LSAMP: variants seen among roughly 807,000 people sequenced by gnomAD.
LSAMP encodes the protein limbic system associated membrane protein.
LSAMP carries 7 observed loss-of-function variants against 38.6 expected under a neutral mutation model. The observed-to-expected ratio is 0.18, with a 90% CI of 0.10 to 0.34. The LOEUF is 0.34. Ranked by LOEUF, LSAMP falls within the 10% of genes least tolerant of loss-of-function variation. The pLI is 1.00. For missense variants in LSAMP, 313 were observed against 420.0 expected (o/e 0.75, Z 2.23); for synonymous variants, 154 against 166.8 (o/e 0.92, Z 0.59).
intron 1 of LSAMP, among the ~76,000 whole-genome samples, chr3:116,114,283 C>G (rs1394695126): frequency 6.6e-6 from 1 of 152,154 alleles, no homozygotes; most frequent in African/African-American, 2.4e-5. Flanking sequence ...TATCTGGTGC[C>G]TTCGGTTTTT....
At chr3:116,005,748 C>A (rs1192425881) in intron 3 of LSAMP, among the ~76,000 whole-genome samples, 1 of 152,162 alleles carries the variant, frequency 6.6e-6, no homozygotes, top group South Asian at 2.1e-4. Context: ...TTCAGGCTGG[C>A]CTTGGTATGT....
intron 1 of LSAMP, among the ~76,000 whole-genome samples, chr3:116,159,244 A>G (rs1709826623): frequency 6.6e-6 from 1 of 152,198 alleles, no homozygotes; most frequent in Admixed American, 6.5e-5. Flanking sequence ...AACAAAACAA[A>G]AATTGACAAA....
At chr3:116,057,957 CCACACACACA>C (rs61123270) in intron 2 of LSAMP, among the ~76,000 whole-genome samples, 144 of 117,430 alleles carry the variant, frequency 1.2e-3, no homozygotes, top group East Asian at 2.2e-3. Context: ...ACACACACAC[CCACACACACA>C]CACACACACA....
At chr3:115,878,450 ATTC>A (rs1459719970) in intron 3 of LSAMP, among the ~76,000 whole-genome samples, 5 of 115,890 alleles carry the variant, frequency 4.3e-5, no homozygotes, top group African/African-American at 1.7e-4. Context: ...AGAACATGCT[ATTC>A]TTTTTTTTTT....
chr3:115,888,227 A>G (rs1467641616), intron 3 of LSAMP, among the ~76,000 whole-genome samples: 1 of 151,998 alleles, frequency 6.6e-6, no homozygotes, highest in African/African-American at 2.4e-5. Context: ...AAATACCACC[A>G]CAAGACTAAA....
At chr3:116,229,738 C>T (rs2046381247) in intron 1 of LSAMP, among the ~76,000 whole-genome samples, 1 of 152,072 alleles carries the variant, frequency 6.6e-6, no homozygotes, top group South Asian at 2.1e-4. Context: ...GATATGGTAT[C>T]TTTGGTAGAG....
chr3:116,053,803 G>T (rs1216372641), intron 2 of LSAMP, among the ~76,000 whole-genome samples: 1 of 152,198 alleles, frequency 6.6e-6, no homozygotes. Context: ...GTAATAGTCA[G>T]TGCTGTGTCT....
intron 1 of LSAMP, among the ~76,000 whole-genome samples, chr3:116,198,988 G>A (rs969651842): frequency 4.6e-5 from 7 of 152,086 alleles, no homozygotes; most frequent in Admixed American, 1.3e-4. Flanking sequence ...GGAGGCTATG[G>A]CAGGAGAATC....
In LSAMP at chr3:116,445,034, T is replaced by TG; in HGVS notation, c.-4dup. ...TCCGGCTGAACTCTCCTGACCATGG[T>TG]GGCCACGCCGAGGTGCGGGTCCGCG... On this transcript the variant is annotated 5_prime_UTR_variant, in exon 1 of 7. Transcript: ENST00000490035. 6.2e-7 allele frequency: 1 copy of TG among 1,609,636 alleles called. No individual in the cohort carries two copies. The highest frequency in any genetic ancestry group is 2.2e-5 in the East Asian group (1 of 44,772).
intron 3 of LSAMP, among the ~76,000 whole-genome samples, chr3:115,887,281 T>G (rs1225204724): frequency 6.6e-6 from 1 of 151,954 alleles, no homozygotes; most frequent in Non-Finnish European, 1.5e-5. Context: ...CTCTTTCCCA[T>G]TATATATATC....
intron 1 of LSAMP, among the ~76,000 whole-genome samples, chr3:116,256,829 C>T (rs1245921046): frequency 6.6e-6 from 1 of 152,174 alleles, no homozygotes; most frequent in East Asian, 1.9e-4. Context: ...TAAATCAGAC[C>T]CTGACATCTA....
chr3:116,417,783 A>G (rs183589095), intron 1 of LSAMP, among the ~76,000 whole-genome samples: 14 of 152,234 alleles, frequency 9.2e-5, no homozygotes, highest in African/African-American at 3.1e-4. Context: ...TGATGACAAG[A>G]GGACAGTATA....
chr3:115,857,458 A>G (rs916617467), intron 3 of LSAMP, among the ~76,000 whole-genome samples: 5 of 152,200 alleles, frequency 3.3e-5, no homozygotes, highest in Non-Finnish European at 5.9e-5. Flanking sequence ...TCTCTGGTAG[A>G]CGAGTTCTAT....
At chr3:116,429,959 A>T (rs1314260773) in intron 1 of LSAMP, among the ~76,000 whole-genome samples, 1 of 152,240 alleles carries the variant, frequency 6.6e-6, no homozygotes, top group African/African-American at 2.4e-5. Flanking sequence ...TGAGATATAC[A>T]GTGGGAATTA....
intron 2 of LSAMP, 32 bp downstream of exon 2, chr3:116,086,292 C>T (rs1208608090): frequency 6.4e-7 from 1 of 1,550,938 alleles, no homozygotes; most frequent in East Asian, 2.2e-5. Context: ...CCACCTCTTT[C>T]TTACCACCCT....
chr3:116,234,203 T>C (rs1433063312), intron 1 of LSAMP, among the ~76,000 whole-genome samples: 6 of 152,238 alleles, frequency 3.9e-5, no homozygotes, highest in Admixed American at 6.5e-5. Context: ...TTTTCTTAGC[T>C]GTTTACAGGT....
At chr3:115,968,027 G>A (rs1173339067) in intron 3 of LSAMP, among the ~76,000 whole-genome samples, 2 of 151,992 alleles carry the variant, frequency 1.3e-5, no homozygotes, top group Admixed American at 6.6e-5. Context: ...TTCACTCAAG[G>A]CCCATGGGCT....
chr3:115,813,915 AAG>A (rs1255484918), intron 6 of LSAMP, among the ~76,000 whole-genome samples: 1 of 152,254 alleles, frequency 6.6e-6, no homozygotes, highest in Non-Finnish European at 1.5e-5. Context: ...AAATGAAAGC[AAG>A]AGTCTGCAAA....
At chr3:116,330,552 C>A (rs1054387152) in intron 1 of LSAMP, among the ~76,000 whole-genome samples, 1 of 152,052 alleles carries the variant, frequency 6.6e-6, no homozygotes, top group Non-Finnish European at 1.5e-5. Context: ...GCATGCTCCC[C>A]CCCCCACAAC....
Sources: gnomAD v4.1 joint callset for allele counts (sites outside exome capture counted in the v4.1 genomes callset) on GRCh38, gnomAD v4.1.1 for gene constraint, MANE v1.5 for transcripts, NCBI Gene and HGNC (gene_info 2026-07-23, HGNC 2026-07-21) for gene names.